Variants in STAG1 observed in about 807,000 individuals in gnomAD.
The protein encoded by STAG1 is cohesin subunit SA-1.
A neutral mutation model predicts 170.9 loss-of-function variants in STAG1; 26 were observed. The observed-to-expected ratio is 0.15, with a 90% CI of 0.11 to 0.21. The LOEUF (loss-of-function observed/expected upper bound fraction) is 0.21, where lower values mean the gene tolerates loss of function less well. Ranked by LOEUF, STAG1 falls within the 10% of genes least tolerant of loss-of-function variation. The pLI, the probability that STAG1 is intolerant of heterozygous loss-of-function variation, is 1.00. For synonymous variants in STAG1, 514 were observed against 497.7 expected (o/e 1.03, Z -0.44); for missense variants, 964 against 1,509.5 (o/e 0.64, Z 5.99).
At chr3:136,381,980 T>G (rs748582731) in intron 22 of STAG1, among the ~76,000 whole-genome samples, 1 of 152,182 alleles carries the variant, frequency 6.6e-6, no homozygotes, top group Non-Finnish European at 1.5e-5. Flanking sequence ...GTACCTAAAA[T>G]AGTGCTTTGC....
chr3:136,708,164 A>C (rs1943277912), intron 1 of STAG1, among the ~76,000 whole-genome samples: 3 of 152,198 alleles, frequency 2.0e-5, no homozygotes, highest in Admixed American at 2.0e-4. Context: ...AAGAAAAATT[A>C]AAATATATAT....
chr3:136,690,666 TA>T (rs1942691182), intron 1 of STAG1, among the ~76,000 whole-genome samples: 1 of 151,818 alleles, frequency 6.6e-6, no homozygotes, highest in Non-Finnish European at 1.5e-5. Context: ...AAGGAAGGGG[TA>T]AAAGAGTCAC....
At chr3:136,741,632 C>T (rs556756471) in intron 1 of STAG1, among the ~76,000 whole-genome samples, 164 of 152,248 alleles carry the variant, frequency 1.1e-3, no homozygotes, top group African/African-American at 3.9e-3. Context: ...CAATGCCCGG[C>T]TAATTTTGTA....
chr3:136,470,194 A>G (rs961150450), intron 12 of STAG1, among the ~76,000 whole-genome samples: 8 of 152,228 alleles, frequency 5.3e-5, no homozygotes, highest in Non-Finnish European at 7.3e-5. Flanking sequence ...CAGAGTGAAC[A>G]GGCAACCTAC....
At chr3:136,586,772 T>A (rs549244249) in intron 4 of STAG1, 1 of 447,310 alleles carries the variant, frequency 2.2e-6, no homozygotes, top group South Asian at 1.6e-5. Context: ...GAAGCAAGCA[T>A]CCAGCTATGA....
intron 22 of STAG1, among the ~76,000 whole-genome samples, chr3:136,383,463 T>C (rs1020625826): frequency 2.6e-5 from 4 of 152,182 alleles, no homozygotes; most frequent in Admixed American, 6.5e-5. Context: ...TCTGCTATAA[T>C]AGCTGTAATT....
chr3:136,488,663 C>G (rs1243242155), intron 9 of STAG1, among the ~76,000 whole-genome samples: 3 of 152,168 alleles, frequency 2.0e-5, no homozygotes, highest in Non-Finnish European at 4.4e-5. Flanking sequence ...ATTATTCTTT[C>G]AAGCTCTAGT....
intron 20 of STAG1, among the ~76,000 whole-genome samples, chr3:136,418,345 G>A (rs1206019074): frequency 1.1e-5 from 1 of 91,464 alleles, no homozygotes; most frequent in Non-Finnish European, 1.9e-5. Context: ...GGGTAACTGA[G>A]CAAGACTCTG....
intron 5 of STAG1, among the ~76,000 whole-genome samples, chr3:136,551,640 T>A (rs542244075): frequency 6.9e-6 from 1 of 145,448 alleles, no homozygotes; most frequent in South Asian, 2.2e-4. Context: ...TGAGACAGGA[T>A]CTTGCTCTGT....
chr3:136,451,801 T>C (rs1169810840), intron 14 of STAG1, among the ~76,000 whole-genome samples: 1 of 151,956 alleles, frequency 6.6e-6, no homozygotes, highest in Non-Finnish European at 1.5e-5. Context: ...ATTGCAATAC[T>C]GTAAAAGTTT....
chr3:136,463,905 T>A (rs1289087832), intron 13 of STAG1, among the ~76,000 whole-genome samples: 2 of 144,922 alleles, frequency 1.4e-5, no homozygotes, highest in African/African-American at 5.2e-5. Context: ...ACATATATAC[T>A]TACATATAAT....
chr3:136,598,560 G>T (rs4678436), intron 4 of STAG1, among the ~76,000 whole-genome samples: 52,033 of 151,664 alleles, frequency 0.34, 11,218 homozygotes, highest in East Asian at 0.8. Flanking sequence ...CCAAGTAGCT[G>T]GGACTATAGG....
chr3:136,597,247 A>G (rs1422396086), intron 4 of STAG1, among the ~76,000 whole-genome samples: 2 of 152,320 alleles, frequency 1.3e-5, no homozygotes, highest in East Asian at 1.9e-4. Flanking sequence ...TCCAGAGGTT[A>G]TATCTAAGAA....
At chr3:136,580,919 C>T (rs565023468) in intron 4 of STAG1, among the ~76,000 whole-genome samples, 1 of 151,726 alleles carries the variant, frequency 6.6e-6, no homozygotes, top group South Asian at 2.1e-4. Flanking sequence ...CTAGACTCTA[C>T]TTTGGTATAT....
At chr3:136,629,544 A>G (rs1002659391) in intron 2 of STAG1, among the ~76,000 whole-genome samples, 7 of 152,076 alleles carry the variant, frequency 4.6e-5, no homozygotes, top group African/African-American at 1.2e-4. Flanking sequence ...TAAAAAAGAA[A>G]TAAGTAGGCA....
At chr3:136,735,998 C>G (rs549334856) in intron 1 of STAG1, among the ~76,000 whole-genome samples, 8 of 152,226 alleles carry the variant, frequency 5.3e-5, no homozygotes, top group Non-Finnish European at 1.2e-4. Flanking sequence ...AGATGCCACT[C>G]TGTGTGCCCA....
chr3:136,348,894 G>C (rs918067001), intron 29 of STAG1: 2 of 467,352 alleles, frequency 4.3e-6, no homozygotes, highest in Non-Finnish European at 7.7e-6. Context: ...ATATAGTATG[G>C]GGATTGATTT....
intron 22 of STAG1, among the ~76,000 whole-genome samples, chr3:136,392,437 A>G (rs2087033607): frequency 6.6e-6 from 1 of 152,180 alleles, no homozygotes. Context: ...TGTAATCTCA[A>G]TAAAATTACA....
At chr3:136,467,341 A>C (rs2089493088) in intron 12 of STAG1, among the ~76,000 whole-genome samples, 1 of 152,150 alleles carries the variant, frequency 6.6e-6, no homozygotes, top group South Asian at 2.1e-4. Flanking sequence ...AAAACAAAAA[A>C]AGGCAGGGGT....
Sources: allele counts gnomAD v4.1 joint callset (sites outside exome capture counted in the v4.1 genomes callset), GRCh38; gene constraint gnomAD v4.1.1; transcripts MANE v1.5; gene names NCBI Gene and HGNC (gene_info 2026-07-23, HGNC 2026-07-21).